The following CLCC1 variants were observed in gnomAD, a reference collection of about 807,000 sequenced individuals.
CLCC1 encodes the protein chloride channel CLIC-like protein 1.
CLCC1 carries 39 observed loss-of-function variants against 63.3 expected under a neutral mutation model. The observed-to-expected ratio is 0.62, with a 90% CI of 0.48 to 0.81. CLCC1 has a LOEUF of 0.81. Ranked by LOEUF, CLCC1 falls within the 30% of genes least tolerant of loss-of-function variation. The pLI is 0.00. For missense variants in CLCC1, 549 were observed against 669.4 expected, an observed-to-expected ratio of 0.82 and a Z score of 1.98; for synonymous variants, 217 against 239.8, an observed-to-expected ratio of 0.90 and a Z score of 0.88.
rs1474946285 is a variant in CLCC1, at chr1:108,962,329, CCT to C, written c.-34_-33del. ...CTAACCTGGATTAGTAGAGTCAAATCCTGTTTTAGACTAGAAGTACCAGGGTA... is the reference window on the plus strand; with the variant it reads ...CTAACCTGGATTAGTAGAGTCAAATCGTTTTAGACTAGAAGTACCAGGGTA... On this transcript the variant is annotated 5_prime_UTR_variant, in exon 2 of 13. Coordinates refer to ENST00000369969, the MANE Select transcript of CLCC1 (RefSeq NM_001377458.1). The C allele has an allele frequency of 6.6e-6, 1 of 152,094 alleles. No individual in the cohort carries two copies. The highest frequency in any genetic ancestry group is 1.5e-5 in the Non-Finnish European group (1 of 68,028). 9.4% of individuals were successfully genotyped at this position (152,094 alleles called of 1,614,324 possible).
At chr1:108,932,653 G>A (rs913745960) in intron 12 of CLCC1, 152 bp from the exon 13 acceptor site, 1 of 152,198 alleles carries the variant, frequency 6.6e-6, no homozygotes, top group Admixed American at 6.5e-5. Flanking sequence ...TCAGATCACA[G>A]TTCAAAAGAC....
rs570340034 is a variant in CLCC1, at chr1:108,930,957, C to T, written c.*1590G>A. The T allele has an allele frequency of 8.0e-5, 13 of 162,206 alleles. No individual in the cohort carries two copies. In the South Asian group the frequency reaches 1.8e-3, roughly 23 times the overall value. The allele number at this position is 162,206 out of a possible 1,614,324, so 10.0% of individuals were successfully genotyped here. On this transcript the variant is annotated 3_prime_UTR_variant, in exon 13 of 13. Transcript: ENST00000369969. The stretch of plus-strand genomic sequence containing the variant: ...GTCCCAACTGCTTAAGAGGCTGAGG[C>T]AGGAGGACCACTTGAGCCCAGGAGG...
At chr1:108,954,301 C>A (rs1054543384) in intron 2 of CLCC1, among the ~76,000 whole-genome samples, 1 of 148,802 alleles carries the variant, frequency 6.7e-6, no homozygotes, top group Non-Finnish European at 1.5e-5. Flanking sequence ...TCCTGGCTAA[C>A]ATGGTGAAAC....
chr1:108,939,650 C>T lies in CLCC1; in HGVS notation c.1027G>A (p.Ala343Thr), dbSNP rs1274923675. Residue 343 changes from alanine (A) to threonine (T), a missense_variant, in exon 10 of 13, where the codon GCA becomes ACA. Ala to Thr is a moderately conservative substitution (Grantham distance 58). Transcript: ENST00000369969. The part of the protein sequence containing the change: ...LLHLPVLIIM[A>T]LAILSFCYGA... The stretch of plus-strand genomic sequence containing the variant: ...TTAATACTAACCAGGATGGCTAATG[C>T]CATAATTATCAGCACTGGAAGATGA... 2 of 1,613,918 alleles carry T rather than the reference C, an allele frequency of 1.2e-6. No homozygotes were observed. The highest frequency in any genetic ancestry group is 1.7e-6 in the Non-Finnish European group (2 of 1,179,928).
chr1:108,948,995 C>A (rs1654874204), intron 4 of CLCC1, among the ~76,000 whole-genome samples: 1 of 152,164 alleles, frequency 6.6e-6, no homozygotes, highest in Middle Eastern at 3.2e-3. Flanking sequence ...TCTCAGTGAA[C>A]AAACTCTCCC....
At chr1:108,962,517 T>G (rs573237068) in intron 1 of CLCC1, 48 bp from the exon 2 acceptor site, 1 of 152,268 alleles carries the variant, frequency 6.6e-6, no homozygotes, top group African/African-American at 2.4e-5. Context: ...ACCTGAATTG[T>G]TTTTCACCAC....
rs572878699 is a variant in CLCC1 at position 108,957,016 on chromosome 1, A to T, written c.-12+5293T>A. Among the ~76,000 whole-genome samples the T allele has an allele frequency of 4.0e-5, 6 of 151,122 alleles. No homozygotes were observed. In the South Asian group the frequency reaches 1.2e-3, roughly 31 times the overall value. On this transcript the variant is annotated intron_variant, in intron 2 of 12. Coordinates refer to ENST00000369969, the MANE Select transcript of CLCC1 (RefSeq NM_001377458.1). ...GTGATAGAATCTGGTTTACATTCTA[A>T]AAGACATTACTATGGCTACTATGTA... is the stretch of plus-strand genomic sequence containing the variant.
rs1287536342 is a variant in CLCC1 at position 108,929,896 on chromosome 1, T to G, written c.*2651A>C. 1.2e-6 allele frequency: 2 copies of G among 1,613,568 alleles called. No homozygotes were observed. The highest frequency in any genetic ancestry group is 4.5e-5 in the East Asian group (2 of 44,870). On this transcript the variant is annotated 3_prime_UTR_variant, in exon 13 of 13. Coordinates refer to ENST00000369969, the MANE Select transcript of CLCC1 (RefSeq NM_001377458.1). The stretch of plus-strand genomic sequence containing the variant: ...AAAGGACTTTTTGCAAAATAATGCT[T>G]TGTTGGAGTTTAAAAATTCAGGGAA...
At chr1:108,933,566 G>C (rs1250575950) in intron 12 of CLCC1, 1 of 152,228 alleles carries the variant, frequency 6.6e-6, no homozygotes, top group Non-Finnish European at 1.5e-5. Flanking sequence ...AAAATTTAAA[G>C]ACTTTATTCC....
chr1:108,936,085 G>GTTTTTTTTT (rs530980387), intron 11 of CLCC1, among the ~76,000 whole-genome samples: 4 of 88,120 alleles, frequency 4.5e-5, no homozygotes, highest in Non-Finnish European at 8.2e-5. Context: ...ATCTTAAGTT[G>GTTTTTTTTT]TTTTTTTTTT....
intron 8 of CLCC1, among the ~76,000 whole-genome samples, chr1:108,940,925 C>G (rs1653754375): frequency 1.3e-5 from 2 of 152,040 alleles, no homozygotes; most frequent in African/African-American, 4.8e-5. Flanking sequence ...AGGTAGTGAA[C>G]ATTCATGAGA....
chr1:108,958,351 T>C (rs191021767), intron 2 of CLCC1, among the ~76,000 whole-genome samples: 1 of 151,698 alleles, frequency 6.6e-6, no homozygotes, highest in Admixed American at 6.5e-5. Context: ...TGAGGAACTC[T>C]CTTCCTGTCC....
rs1029822031 is a variant in CLCC1, at chr1:108,948,567, T to C, written c.232-849A>G. On this transcript the variant is annotated intron_variant, in intron 4 of 12. Coordinates refer to ENST00000369969, the MANE Select transcript of CLCC1 (RefSeq NM_001377458.1). ...GAAGGACACTGAGCAGAGAAGGAAA[T>C]AGAAGAACACAGCAGTTTCCTTTGC... 6.0e-5 allele frequency among the ~76,000 whole-genome samples: 9 copies of C among 150,986 alleles called. No homozygotes were observed. The South Asian group carries it at 8.4e-4, about 14-fold the overall frequency.
chr1:108,929,643 A>G lies in CLCC1; in HGVS notation c.*2904T>C. The G allele has an allele frequency of 1.9e-6, 3 of 1,548,810 alleles. No individual in the cohort carries two copies. Among genetic ancestry groups the G allele is most frequent in the East Asian group, 4.5e-5 (2 of 44,578 alleles). ...TCTTGTTGTGACTGAGAGATTTAAC[A>G]TAGCTTGGTGCTTTCTTTCCCACAG... On this transcript the variant is annotated 3_prime_UTR_variant, in exon 13 of 13. Coordinates refer to ENST00000369969, the MANE Select transcript of CLCC1 (RefSeq NM_001377458.1).
At chr1:108,956,357 T>C (rs1009333487) in intron 2 of CLCC1, among the ~76,000 whole-genome samples, 3 of 151,112 alleles carry the variant, frequency 2.0e-5, no homozygotes, top group Non-Finnish European at 4.4e-5. Context: ...GTAATAAAAG[T>C]GTTATTTACA....
intron 8 of CLCC1, 58 bp from the exon 9 acceptor site, chr1:108,940,200 CA>C (rs1257905682): frequency 1.5e-4 from 184 of 1,240,760 alleles, no homozygotes; most frequent in Middle Eastern, 3.7e-4. Flanking sequence ...ATTTCATTCC[CA>C]AACAAGACAT....
intron 2 of CLCC1, among the ~76,000 whole-genome samples, chr1:108,958,503 A>G (rs1656208438): frequency 6.6e-6 from 1 of 151,540 alleles, no homozygotes; most frequent in South Asian, 2.1e-4. Flanking sequence ...GCCCTAAAGC[A>G]CAGTAGTAAC....
intron 2 of CLCC1, among the ~76,000 whole-genome samples, chr1:108,961,892 T>A (rs1656698143): frequency 6.6e-6 from 1 of 152,160 alleles, no homozygotes; most frequent in Non-Finnish European, 1.5e-5. Flanking sequence ...TTTGTTACTA[T>A]GTGCTAAGCA....
chr1:108,929,509 A>T lies in CLCC1; in HGVS notation c.*3038T>A. ...TAAAGGAAAAATTTTATGCAGTTTCAGGTTTAAAGATTATTTCTTTCAGAA... is the reference window on the plus strand; with the variant it reads ...TAAAGGAAAAATTTTATGCAGTTTCTGGTTTAAAGATTATTTCTTTCAGAA... On this transcript the variant is annotated 3_prime_UTR_variant, in exon 13 of 13. Coordinates refer to ENST00000369969, the MANE Select transcript of CLCC1 (RefSeq NM_001377458.1). The T allele has an allele frequency of 1.6e-6, 1 of 616,394 alleles. No homozygotes were observed. Among genetic ancestry groups the T allele is most frequent in the Non-Finnish European group, 2.8e-6 (1 of 351,256 alleles). 38.2% of individuals were successfully genotyped at this position (616,394 alleles called of 1,614,324 possible). A position where few individuals can be genotyped will look rare whatever the true frequency, so the allele number is the denominator to read the frequency against.
Sources: gnomAD v4.1 joint callset for allele counts (sites outside exome capture counted in the v4.1 genomes callset) on GRCh38, gnomAD v4.1.1 for gene constraint, MANE v1.5 for transcripts, NCBI Gene and HGNC (gene_info 2026-07-23, HGNC 2026-07-21) for gene names.